Variants in CIB4 observed in about 807,000 individuals in gnomAD.
CIB4 encodes calcium and integrin binding family member 4, also known as calcium and integrin-binding family member 4.
CIB4 carries 25 observed loss-of-function variants against 25.8 expected under a neutral mutation model. The ratio of observed to expected loss-of-function variants is 0.97; its 90% CI spans 0.71 to 1.35. CIB4 has a LOEUF of 1.35. Among genes scored for constraint, CIB4 ranks in the 40% most tolerant of loss-of-function variants. The pLI, the probability that CIB4 is intolerant of heterozygous loss-of-function variation, is 0.00. For synonymous variants in CIB4, 75 were observed against 81.4 expected (o/e 0.92, Z 0.42); for missense variants, 235 against 228.2 (o/e 1.03, Z -0.19).
At chr2:26,632,033 G>A (rs914532463) in intron 2 of CIB4, among the ~76,000 whole-genome samples, 16 of 152,054 alleles carry the variant, frequency 1.1e-4, no homozygotes, top group Non-Finnish European at 2.1e-4. Context: ...CCTGCTTCCC[G>A]CCGGGTTGCT....
intron 3 of CIB4, among the ~76,000 whole-genome samples, chr2:26,609,621 G>A (rs375492164): frequency 4.6e-5 from 7 of 152,248 alleles, no homozygotes; most frequent in East Asian, 1.9e-4. Flanking sequence ...GGGGAGGACC[G>A]CATACGCTCT....
chr2:26,609,041 C>G (rs1668947426), intron 3 of CIB4, among the ~76,000 whole-genome samples: 1 of 152,222 alleles, frequency 6.6e-6, no homozygotes, highest in African/African-American at 2.4e-5. Context: ...AAAACCACTT[C>G]TCCCAGAGCC....
chr2:26,608,065 C>G (rs1220967551), intron 3 of CIB4, among the ~76,000 whole-genome samples: 3 of 152,208 alleles, frequency 2.0e-5, no homozygotes, highest in Non-Finnish European at 4.4e-5. Context: ...TGTTGAAACC[C>G]CACCTTTACT....
intron 3 of CIB4, among the ~76,000 whole-genome samples, chr2:26,615,449 C>T (rs978090796): frequency 4.6e-5 from 7 of 152,150 alleles, no homozygotes; most frequent in African/African-American, 1.7e-4. Flanking sequence ...TCACCCCTGG[C>T]GTGAGATTAG....
chr2:26,613,343 A>G lies in CIB4; in HGVS notation c.186+16067T>C, dbSNP rs538614866. On this transcript the variant is annotated intron_variant, in intron 3 of 6. Coordinates refer to ENST00000288861, the MANE Select transcript of CIB4 (RefSeq NM_001029881.3). Reference sequence around the variant, plus strand: ...CCACCCACCAGCAAGGATGTAAAGAACGTATGTCTTCCCAAGTCTTTCTGC... The same window carrying G: ...CCACCCACCAGCAAGGATGTAAAGAGCGTATGTCTTCCCAAGTCTTTCTGC... Among the ~76,000 whole-genome samples the G allele has an allele frequency of 2.6e-5, 4 of 152,210 alleles. No individual in the cohort carries two copies. In the South Asian group the frequency reaches 8.3e-4, roughly 32 times the overall value.
At chr2:26,636,016 T>G (rs538804434) in intron 2 of CIB4, among the ~76,000 whole-genome samples, 3 of 152,360 alleles carry the variant, frequency 2.0e-5, no homozygotes, top group Admixed American at 1.3e-4. Context: ...TTTGCAAGCA[T>G]TTTGCTATTT....
At chr2:26,621,887 C>T (rs1669210430) in intron 3 of CIB4, among the ~76,000 whole-genome samples, 1 of 152,176 alleles carries the variant, frequency 6.6e-6, no homozygotes, top group Non-Finnish European at 1.5e-5. Context: ...TTCTAAATGC[C>T]TTTGGAGAAG....
At chr2:26,622,719 A>G (rs889916490) in intron 3 of CIB4, among the ~76,000 whole-genome samples, 2 of 152,140 alleles carry the variant, frequency 1.3e-5, no homozygotes, top group African/African-American at 4.8e-5. Flanking sequence ...GAGGTGGCTC[A>G]CACCTGTAAT....
chr2:26,620,745 G>A (rs1669189375), intron 3 of CIB4, among the ~76,000 whole-genome samples: 1 of 152,138 alleles, frequency 6.6e-6, no homozygotes, highest in Admixed American at 6.5e-5. Context: ...ATGAGCCCTT[G>A]ATGACCAGAT....
At chr2:26,609,290 G>C (rs1668951761) in intron 3 of CIB4, among the ~76,000 whole-genome samples, 1 of 152,106 alleles carries the variant, frequency 6.6e-6, no homozygotes, top group Admixed American at 6.5e-5. Flanking sequence ...CAGGATAGAG[G>C]CTGAGGAGGG....
rs1299731362 is a variant in CIB4, at chr2:26,600,103, T to C, written c.187-4786A>G. On this transcript the variant is annotated intron_variant, in intron 3 of 6. Transcript: ENST00000288861. ...AAAAAAAAAAGATATGATTAATGTT[T>C]ATTGACTGGGCGCAGTGGCTGCTAG... Among the ~76,000 whole-genome samples the C allele has an allele frequency of 2.9e-5, 4 of 138,152 alleles. 1 individual carries two copies. The highest frequency in any genetic ancestry group is 6.2e-5 in the Non-Finnish European group (4 of 64,758). The allele number at this position is 138,152 out of a possible 152,430, so 90.6% of individuals were successfully genotyped here. A position where few individuals can be genotyped will look rare whatever the true frequency, so the allele number is the denominator to read the frequency against.
Position 26,586,846 on chromosome 2 carries a change from G to A in CIB4, c.329-2948C>T, listed in dbSNP as rs530324828. On this transcript the variant is annotated intron_variant, in intron 4 of 6. Coordinates refer to ENST00000288861, the MANE Select transcript of CIB4 (RefSeq NM_001029881.3). ...GTGCCCATGTGACCATGTTCTGGCC[G>A]ATGAAGTGTAAGCAGAAGAGGCACA... Among the ~76,000 whole-genome samples, 400 of 152,296 alleles carry A rather than the reference G, an allele frequency of 2.6e-3. 2 individuals are homozygous for A. Among genetic ancestry groups the A allele is most frequent in the African/African-American group, 9.2e-3 (383 of 41,560 alleles).
chr2:26,615,880 C>T (rs1326039778), intron 3 of CIB4, among the ~76,000 whole-genome samples: 4 of 152,246 alleles, frequency 2.6e-5, no homozygotes, highest in Admixed American at 1.3e-4. Context: ...CTGAGCCCTG[C>T]TAACTGATGA....
At chr2:26,637,442 GT>G (rs150131113) in intron 2 of CIB4, among the ~76,000 whole-genome samples, 1 of 151,212 alleles carries the variant, frequency 6.6e-6, no homozygotes, top group Non-Finnish European at 1.5e-5. Context: ...TCTTCTTTTT[GT>G]TTTTTTTAAT....
chr2:26,619,774 C>A (rs1669167410), intron 3 of CIB4, among the ~76,000 whole-genome samples: 1 of 149,408 alleles, frequency 6.7e-6, no homozygotes. Context: ...ACAGACTCTG[C>A]GACTGAGGAA....
intron 3 of CIB4, among the ~76,000 whole-genome samples, chr2:26,601,231 A>AAAAAATATATAT (rs1395827334): frequency 2.3e-4 from 4 of 17,236 alleles, no homozygotes; most frequent in African/African-American, 6.0e-4. Context: ...AAAAAAAAAA[A>AAAAAATATATAT]ATATATATAT....
In CIB4 at chr2:26,640,551, G is replaced by A. The variant is rs1572578726; in HGVS notation, c.71C>T (p.Thr24Ile). 1 of 1,613,304 alleles carries A rather than the reference G, an allele frequency of 6.2e-7. No individual in the cohort carries two copies. The highest frequency in any genetic ancestry group is 2.2e-5 in the East Asian group (1 of 44,768). ...TACTCACCACAGAATTTCATTTCTG[G>A]TCAGGAAGGTCAGGGCCTGCAACAA... ...LEEYQALTFL[T>I]RNEILCIHDT... The change falls in exon 2 of 7, where the codon ACC becomes ATC. Residue 24 changes from threonine to isoleucine, a missense_variant. By Grantham distance (89) the Thr-to-Ile change is moderately conservative (BLOSUM62 -1). Coordinates refer to ENST00000288861, the MANE Select transcript of CIB4 (RefSeq NM_001029881.3).
intron 4 of CIB4, among the ~76,000 whole-genome samples, chr2:26,591,938 A>G (rs1426596173): frequency 6.6e-6 from 1 of 152,220 alleles, no homozygotes; most frequent in Non-Finnish European, 1.5e-5. Flanking sequence ...CCCCCAGTCA[A>G]GCGCCCTCCA....
intron 4 of CIB4, among the ~76,000 whole-genome samples, chr2:26,589,036 T>TTCTTCTTCTTCCTCCTCTTCC (rs1668517207): frequency 2.3e-5 from 1 of 43,006 alleles, no homozygotes; most frequent in African/African-American, 9.9e-5. Context: ...CTTCTTCTTC[T>TTCTTCTTCTTCCTCCTCTTCC]TCTTCTTCTT....
Sources: gnomAD v4.1 joint callset for allele counts (sites outside exome capture counted in the v4.1 genomes callset) on GRCh38, gnomAD v4.1.1 for gene constraint, MANE v1.5 for transcripts, NCBI Gene and HGNC (gene_info 2026-07-23, HGNC 2026-07-21) for gene names.